The following SMAP2 variants were observed in gnomAD, a reference collection of about 807,000 sequenced individuals.
SMAP2 encodes the protein small ArfGAP2.
In SMAP2, 25 loss-of-function variants were observed where a neutral mutation model predicts 56.4. That is an observed-to-expected ratio of 0.44 (90% CI 0.32 to 0.62). The LOEUF is 0.62. Ranked by LOEUF, SMAP2 falls within the 20% of genes least tolerant of loss-of-function variation. SMAP2 has a pLI of 0.04. For missense variants in SMAP2, 388 were observed against 545.6 expected, an observed-to-expected ratio of 0.71 and a Z score of 2.88; for synonymous variants, 157 against 181.7, an observed-to-expected ratio of 0.86 and a Z score of 1.09.
At chr1:40,369,363 T>C (rs1198541698), upstream of SMAP2, among the ~76,000 whole-genome samples, 2 of 139,018 alleles carry the variant, frequency 1.4e-5, no homozygotes, top group Non-Finnish European at 3.1e-5. Context: ...ACTTTAAAGT[T>C]CATATGGAAC....
intron 1 of SMAP2, among the ~76,000 whole-genome samples, 172 bp from the exon 2 acceptor site, chr1:40,406,564 T>G (rs1015054649): frequency 2.6e-5 from 4 of 152,142 alleles, no homozygotes; most frequent in Non-Finnish European, 5.9e-5. Flanking sequence ...CACTTAAATT[T>G]AAACTAAAGA....
intron 1 of SMAP2, among the ~76,000 whole-genome samples, chr1:40,349,758 A>T (rs977500444): frequency 6.6e-6 from 1 of 152,114 alleles, no homozygotes; most frequent in African/African-American, 2.4e-5. Flanking sequence ...TGACCTTGTG[A>T]TCTGCCTGCC....
intron 5 of SMAP2, 87 bp from the exon 6 acceptor site, chr1:40,414,072 A>G: frequency 8.4e-7 from 1 of 1,188,008 alleles, no homozygotes. Context: ...AGCCCTACCC[A>G]CAAGAACACC....
intron 1 of SMAP2, chr1:40,397,001 T>G: frequency 3.0e-5 from 7 of 235,438 alleles, no homozygotes; most frequent in Non-Finnish European, 4.2e-5. Context: ...AATTAATCTC[T>G]TATAAAATCT....
At chr1:40,415,187 G>A (rs1644974943) in intron 6 of SMAP2, 85 bp from the exon 7 acceptor site, 2 of 993,032 alleles carry the variant, frequency 2.0e-6, no homozygotes, top group Non-Finnish European at 3.2e-6. Context: ...GAGCTTATGG[G>A]CCACCTTTGC....
chr1:40,355,241 T>G (rs1644430174), intron 1 of SMAP2, among the ~76,000 whole-genome samples: 1 of 152,184 alleles, frequency 6.6e-6, no homozygotes, highest in Non-Finnish European at 1.5e-5. Context: ...CGGCCTCTAC[T>G]CAGGTTATGA....
At chr1:40,391,166 A>G (rs890858850) in intron 1 of SMAP2, among the ~76,000 whole-genome samples, 6 of 152,154 alleles carry the variant, frequency 3.9e-5, no homozygotes, top group African/African-American at 1.2e-4. Flanking sequence ...TTGAGGGGAA[A>G]TCGTTTCTGT....
intron 1 of SMAP2, among the ~76,000 whole-genome samples, chr1:40,360,744 T>C (rs546549687): frequency 1.3e-5 from 2 of 152,314 alleles, no homozygotes; most frequent in East Asian, 1.9e-4. Flanking sequence ...TGCTGCCTTG[T>C]CACAGTGGAA....
chr1:40,419,407 A>C (rs1419186638), intron 9 of SMAP2, among the ~76,000 whole-genome samples: 4 of 151,468 alleles, frequency 2.6e-5, no homozygotes, highest in Non-Finnish European at 5.9e-5. Flanking sequence ...CAGCCTCCCG[A>C]GTAGCTGGGA....
At chr1:40,397,333 T>C (rs1208613255) in intron 1 of SMAP2, among the ~76,000 whole-genome samples, 1 of 152,176 alleles carries the variant, frequency 6.6e-6, no homozygotes, top group African/African-American at 2.4e-5. Flanking sequence ...AAACCTCTGT[T>C]TGAACACTGC....
chr1:40,422,064 C>T lies in SMAP2; in HGVS notation c.1253C>T (p.Ala418Val). The T allele has an allele frequency of 6.2e-7, 1 of 1,614,140 alleles. No individual in the cohort carries two copies. Among genetic ancestry groups the T allele is most frequent in the Non-Finnish European group, 8.5e-7 (1 of 1,180,008 alleles). The change falls in exon 10 of 10, where the codon GCA becomes GTA. Residue 418 changes from alanine (A) to valine (V), a missense_variant. Physicochemically the swap from Ala to Val is moderately conservative, Grantham distance 64. Transcript: ENST00000372718. ...GQSMSGGNGQ[A>V]ANQTLSPQMW... ...TCAATGAGTGGCGGAAATGGACAGG[C>T]AGCAAATCAGACTCTCAGTCCTCAG...
chr1:40,359,399 CT>C (rs1399998066), intron 1 of SMAP2, among the ~76,000 whole-genome samples: 6 of 152,036 alleles, frequency 3.9e-5, no homozygotes, highest in Non-Finnish European at 5.9e-5. Flanking sequence ...CACCGCACCC[CT>C]ATTTGTGTCT....
At chr1:40,370,855 A>AT (rs1644493254), upstream of SMAP2, among the ~76,000 whole-genome samples, 2 of 91,346 alleles carry the variant, frequency 2.2e-5, no homozygotes, top group South Asian at 3.2e-4. Context: ...TTAAAGTATA[A>AT]TAAAAAAAAA....
chr1:40,402,069 C>A (rs1257795997), intron 1 of SMAP2, among the ~76,000 whole-genome samples: 3 of 152,242 alleles, frequency 2.0e-5, no homozygotes, highest in African/African-American at 7.2e-5. Flanking sequence ...TGTCTATCCT[C>A]TTTGCTTTCA....
intron 2 of SMAP2, among the ~76,000 whole-genome samples, chr1:40,363,668 A>C (rs1451309362): frequency 6.6e-6 from 1 of 152,238 alleles, no homozygotes; most frequent in Non-Finnish European, 1.5e-5. Flanking sequence ...ACCTGGTTTT[A>C]ACTTCATATT....
chr1:40,398,748 C>T (rs963841130), intron 1 of SMAP2, among the ~76,000 whole-genome samples: 23 of 152,108 alleles, frequency 1.5e-4, no homozygotes, highest in African/African-American at 5.6e-4. Flanking sequence ...AAGTGATCCT[C>T]CAACCTCAGC....
chr1:40,346,408 T>G (rs1477920172), intron 1 of SMAP2, among the ~76,000 whole-genome samples: 3 of 152,108 alleles, frequency 2.0e-5, no homozygotes, highest in Non-Finnish European at 2.9e-5. Flanking sequence ...CTAGCTTTGT[T>G]GCCCGGACTG....
chr1:40,362,839 T>C (rs536455021), intron 2 of SMAP2, among the ~76,000 whole-genome samples: 17 of 152,200 alleles, frequency 1.1e-4, no homozygotes, highest in Admixed American at 5.2e-4. Context: ...CCCAGGATGA[T>C]AGTGAAGGGG....
chr1:40,384,790 G>A (rs1644637162), intron 1 of SMAP2, among the ~76,000 whole-genome samples: 1 of 152,194 alleles, frequency 6.6e-6, no homozygotes, highest in African/African-American at 2.4e-5. Context: ...TAATGAAAAT[G>A]TAATTTGGGA....
Sources: gnomAD v4.1 joint callset for allele counts (sites outside exome capture counted in the v4.1 genomes callset) on GRCh38, gnomAD v4.1.1 for gene constraint, MANE v1.5 for transcripts, NCBI Gene and HGNC (gene_info 2026-07-23, HGNC 2026-07-21) for gene names.